The following ABLIM1 variants were observed in gnomAD, a reference collection of about 807,000 sequenced individuals.
The protein encoded by ABLIM1 is actin binding LIM protein 1.
In ABLIM1, 40 loss-of-function variants were observed where a neutral mutation model predicts 107.0. That is an observed-to-expected ratio of 0.37 (90% CI 0.29 to 0.49). The LOEUF (loss-of-function observed/expected upper bound fraction) is 0.49, where lower values mean the gene tolerates loss of function less well. ABLIM1 is among the 20% of genes least tolerant of loss of function. The pLI is 0.97. For missense variants in ABLIM1, 857 were observed against 1,008.5 expected (o/e 0.85, Z 2.04); for synonymous variants, 357 against 357.3 (o/e 1.00, Z 0.01).
At chr10:114,758,488 G>A (rs1449923695) in intron 1 of ABLIM1, among the ~76,000 whole-genome samples, 1 of 152,058 alleles carries the variant, frequency 6.6e-6, no homozygotes, top group African/African-American at 2.4e-5. Context: ...AATTCTCCCT[G>A]GAATCCATTA....
chr10:114,545,032 G>A lies in ABLIM1; in HGVS notation c.867C>T (p.His289=). 1 of 1,614,130 alleles carries A rather than the reference G, an allele frequency of 6.2e-7. No individual in the cohort carries two copies. The highest frequency in any genetic ancestry group is 8.5e-7 in the Non-Finnish European group (1 of 1,180,016). Residue 289 remains histidine, a synonymous_variant, in exon 6 of 23, where the codon CAC becomes CAT. Coordinates refer to ENST00000533213, the MANE Select transcript of ABLIM1 (RefSeq NM_002313.7). ...GLFGVKCEAC[H]QFITGKVLEA... ...CCAGGACTTTCCCTGTGATAAACTG[G>A]TGACACGCCTCACATTTCACCCCAA...
At chr10:114,448,550 C>A (rs911814937) in intron 14 of ABLIM1, among the ~76,000 whole-genome samples, 1 of 152,036 alleles carries the variant, frequency 6.6e-6, no homozygotes, top group Non-Finnish European at 1.5e-5. Context: ...AGAGGGTTGG[C>A]GGGCTTTGCA....
intron 10 of ABLIM1, among the ~76,000 whole-genome samples, chr10:114,471,889 T>C (rs1426718920): frequency 6.6e-6 from 1 of 151,984 alleles, no homozygotes. Flanking sequence ...CTACAGATGA[T>C]TCTAATTCAA....
intron 2 of ABLIM1, among the ~76,000 whole-genome samples, chr10:114,589,165 A>T (rs1591433044): frequency 2.0e-5 from 3 of 151,616 alleles, no homozygotes; most frequent in South Asian, 2.1e-4. Flanking sequence ...AAAAAAGAAA[A>T]TTTTTTGTAT....
intron 1 of ABLIM1, 122 bp from the exon 2 acceptor site, chr10:114,602,083 A>G: frequency 7.9e-7 from 1 of 1,268,488 alleles, no homozygotes; most frequent in Non-Finnish European, 1.1e-6. Context: ...CAGTGTGAAC[A>G]GAGCAGTCCC....
At chr10:114,467,980 G>T (rs749136563) in intron 11 of ABLIM1, among the ~76,000 whole-genome samples, 5 of 152,112 alleles carry the variant, frequency 3.3e-5, no homozygotes, top group African/African-American at 4.8e-5. Context: ...TTACTCCCTG[G>T]TCTCCAATTT....
intron 1 of ABLIM1, among the ~76,000 whole-genome samples, chr10:114,767,585 T>C (rs932381846): frequency 1.3e-5 from 2 of 151,412 alleles, no homozygotes; most frequent in Admixed American, 1.3e-4. Context: ...GGGAGATTCA[T>C]GCAGAGGGGA....
Position 114,745,354 on chromosome 10 carries a change from A to G in ABLIM1, c.-213+22707T>C, listed in dbSNP as rs368629843. ...GGCGGGCAGATCACCTGAGGTCAGG[A>G]GTTCAAGACCAGCCTGGCCAAAATG... On this transcript the variant is annotated intron_variant, in intron 1 of 15. Transcript: ENST00000651092. Among the ~76,000 whole-genome samples, 5 of 152,274 alleles carry G rather than the reference A, an allele frequency of 3.3e-5. No individual in the cohort carries two copies. In the East Asian group the frequency reaches 7.7e-4, roughly 24 times the overall value.
intron 2 of ABLIM1, among the ~76,000 whole-genome samples, chr10:114,598,883 T>G (rs1327096719): frequency 6.6e-6 from 1 of 152,120 alleles, no homozygotes; most frequent in African/African-American, 2.4e-5. Flanking sequence ...ATGTGCAGGA[T>G]GTGCAGGTTT....
At chr10:114,685,402 C>T (rs950460050), upstream of ABLIM1, among the ~76,000 whole-genome samples, 2 of 152,190 alleles carry the variant, frequency 1.3e-5, no homozygotes, top group African/African-American at 4.8e-5. Flanking sequence ...GGCCTATAAT[C>T]AATCCACTGG....
chr10:114,450,062 G>T, intron 14 of ABLIM1: 1 of 376,024 alleles, frequency 2.7e-6, no homozygotes. Flanking sequence ...ATTTTTTAAA[G>T]CCTGTAAGTT....
chr10:114,537,349 T>C (rs971761903), intron 6 of ABLIM1, among the ~76,000 whole-genome samples: 2 of 152,220 alleles, frequency 1.3e-5, no homozygotes, highest in East Asian at 3.8e-4. Context: ...TCAGGGTATC[T>C]GGAGTATTTA....
chr10:114,694,182 A>T (rs2081147883), intron 1 of ABLIM1, among the ~76,000 whole-genome samples: 1 of 152,228 alleles, frequency 6.6e-6, no homozygotes. Flanking sequence ...ACCCTACAGG[A>T]TCTGTCTGCT....
At chr10:114,502,965 C>T (rs560363000) in intron 6 of ABLIM1, among the ~76,000 whole-genome samples, 2 of 152,170 alleles carry the variant, frequency 1.3e-5, no homozygotes, top group African/African-American at 4.8e-5. Context: ...CTTCTAACCC[C>T]ACATGCTAGC....
chr10:114,443,515 G>A lies in ABLIM1; in HGVS notation c.1933+514C>T, dbSNP rs535166676. Among the ~76,000 whole-genome samples, 7 of 151,806 alleles carry A rather than the reference G, an allele frequency of 4.6e-5. No individual in the cohort carries two copies. The East Asian group carries it at 7.8e-4, about 17-fold the overall frequency. On this transcript the variant is annotated intron_variant, in intron 17 of 22. Coordinates refer to ENST00000533213, the MANE Select transcript of ABLIM1 (RefSeq NM_002313.7). ...TTTAGTATAGATGGGGTTTCGCCAC[G>A]TTGACCAGGCTGGTCTCAAACTCCT...
intron 2 of ABLIM1, among the ~76,000 whole-genome samples, chr10:114,591,518 CT>C (rs1186899059): frequency 6.6e-6 from 1 of 151,972 alleles, no homozygotes; most frequent in African/African-American, 2.4e-5. Context: ...GCTGTTCTAT[CT>C]TTGTTATAAA....
chr10:114,798,143 G>A, the ABLIM1 span, among the ~76,000 whole-genome samples: 6 of 152,084 alleles, frequency 3.9e-5, no homozygotes, highest in East Asian at 1.9e-4. Context: ...GCTATTGGCC[G>A]GGCGCGGTGG....
Position 114,433,125 on chromosome 10 carries a change from C to T in ABLIM1, c.*3135G>A, listed in dbSNP as rs1436371671. The T allele has an allele frequency of 6.6e-6, 1 of 152,230 alleles. No homozygotes were observed. Among genetic ancestry groups the T allele is most frequent in the African/African-American group, 2.4e-5 (1 of 41,442 alleles). 9.4% of individuals were successfully genotyped at this position (152,230 alleles called of 1,614,324 possible). On this transcript the variant is annotated 3_prime_UTR_variant, in exon 23 of 23. Coordinates refer to ENST00000533213, the MANE Select transcript of ABLIM1 (RefSeq NM_002313.7). ...AAATGTTCCCAAATGTAGCCCTTTA[C>T]ATCGGCACCAGGGAAGCCTGCCATA...
chr10:114,478,946 G>A (rs985296933), intron 8 of ABLIM1, among the ~76,000 whole-genome samples: 3 of 152,156 alleles, frequency 2.0e-5, no homozygotes, highest in African/African-American at 7.2e-5. Context: ...GAAATAATGG[G>A]ATAAAACACA....
Sources: allele counts gnomAD v4.1 joint callset (sites outside exome capture counted in the v4.1 genomes callset), GRCh38; gene constraint gnomAD v4.1.1; transcripts MANE v1.5; gene names NCBI Gene and HGNC (gene_info 2026-07-23, HGNC 2026-07-21).